Variants in CSN3 observed in about 807,000 individuals in gnomAD.
CSN3 encodes kappa-casein.
Under a neutral mutation model 9.9 loss-of-function variants are expected in CSN3, and 7 were observed. The ratio of observed to expected loss-of-function variants is 0.71; its 90% CI spans 0.40 to 1.33. The LOEUF (loss-of-function observed/expected upper bound fraction) is 1.33, where lower values mean the gene tolerates loss of function less well. Ranked by LOEUF, CSN3 falls within the 40% of genes most tolerant of loss-of-function variation. CSN3 has a pLI of 0.01. For missense variants in CSN3, 253 were observed against 227.9 expected (o/e 1.11, Z -0.71); for synonymous variants, 88 against 82.3 (o/e 1.07, Z -0.37).
At chr4:70,244,918 TTTTG>T (rs1172787204) in intron 2 of CSN3, 45 bp downstream of exon 2, 1 of 1,292,286 alleles carries the variant, frequency 7.7e-7, no homozygotes, top group African/African-American at 1.5e-5. Flanking sequence ...TTTAAGAAAA[TTTTG>T]TTTAAGGGCT....
upstream of CSN3, among the ~76,000 whole-genome samples, chr4:70,239,279 G>T (rs547344324): frequency 6.6e-6 from 1 of 151,834 alleles, no homozygotes; most frequent in South Asian, 2.1e-4. Context: ...GAATCACCAA[G>T]CCAAGAGCTG....
chr4:70,250,160 A>G (rs1730454966), intron 4 of CSN3, among the ~76,000 whole-genome samples: 1 of 152,214 alleles, frequency 6.6e-6, no homozygotes, highest in African/African-American at 2.4e-5. Flanking sequence ...ACCAATGGAT[A>G]ATGGCAGAAT....
At chr4:70,239,086 T>C (rs1730224716), upstream of CSN3, among the ~76,000 whole-genome samples, 1 of 151,658 alleles carries the variant, frequency 6.6e-6, no homozygotes, top group Non-Finnish European at 1.5e-5. Context: ...TAGAAAGATA[T>C]TAAAGATAGA....
chr4:70,245,174 T>C (rs1425222025), intron 2 of CSN3, among the ~76,000 whole-genome samples: 1 of 152,144 alleles, frequency 6.6e-6, no homozygotes, highest in Admixed American at 6.6e-5. Flanking sequence ...CTGAAAACAT[T>C]TTAAAATTGT....
At chr4:70,244,956 C>A (rs1314380519) in intron 2 of CSN3, 83 bp downstream of exon 2, 2 of 687,460 alleles carry the variant, frequency 2.9e-6, no homozygotes, top group Non-Finnish European at 4.7e-6. Context: ...CTTCTAAATA[C>A]AATTATGCTT....
At chr4:70,243,804 G>A (rs1730319026) in intron 1 of CSN3, among the ~76,000 whole-genome samples, 1 of 151,882 alleles carries the variant, frequency 6.6e-6, no homozygotes, top group African/African-American at 2.4e-5. Flanking sequence ...AGAAAAATAA[G>A]GCTAATGTAT....
chr4:70,240,987 T>G (rs189932595), upstream of CSN3, among the ~76,000 whole-genome samples: 2 of 152,058 alleles, frequency 1.3e-5, no homozygotes, highest in African/African-American at 2.4e-5. Context: ...TCAGATGTTC[T>G]TAAAATATAT....
upstream of CSN3, among the ~76,000 whole-genome samples, chr4:70,238,746 T>C (rs1730218732): frequency 5.3e-5 from 8 of 151,726 alleles, no homozygotes; most frequent in Admixed American, 5.3e-4. Context: ...ATTTGGGGTA[T>C]ATTGTTAAGA....
chr4:70,250,121 G>A (rs554440309), intron 4 of CSN3, among the ~76,000 whole-genome samples: 1 of 152,292 alleles, frequency 6.6e-6, no homozygotes, highest in South Asian at 2.1e-4. Flanking sequence ...AACACAATGT[G>A]ATGCAAAGTG....
intron 3 of CSN3, among the ~76,000 whole-genome samples, chr4:70,248,593 T>C (rs1339142381): frequency 2.0e-5 from 3 of 152,126 alleles, no homozygotes; most frequent in Non-Finnish European, 2.9e-5. Flanking sequence ...TACGTGTGTG[T>C]GCGCCATTCT....
chr4:70,248,835 T>A (rs893506254), intron 3 of CSN3, among the ~76,000 whole-genome samples, 163 bp from the exon 4 acceptor site: 1 of 151,954 alleles, frequency 6.6e-6, no homozygotes, highest in African/African-American at 2.4e-5. Flanking sequence ...GGAAAGGCAA[T>A]GTACAAATCA....
Position 70,244,800 on chromosome 4 carries a change from A to G in CSN3, c.-8-12A>G, listed in dbSNP as rs1345446004. 4 of 1,473,808 alleles carry G rather than the reference A, an allele frequency of 2.7e-6. No homozygotes were observed. In the African/African-American group the frequency reaches 5.7e-5, roughly 21 times the overall value. 91.3% of individuals were successfully genotyped at this position (1,473,808 alleles called of 1,614,324 possible). On this transcript the variant is annotated splice_polypyrimidine_tract_variant and intron_variant, in intron 1 of 4. Transcript: ENST00000304954. ...TTCTTTTAAATTAATTTTTTTTTAA[A>G]TTTATCTTTAGGTGCAATAATGAAG...
chr4:70,246,500 T>C (rs545157642), intron 2 of CSN3, among the ~76,000 whole-genome samples: 1 of 152,032 alleles, frequency 6.6e-6, no homozygotes, highest in Admixed American at 6.6e-5. Context: ...AATGTAACTA[T>C]GAAACCTATG....
intron 1 of CSN3, 63 bp from the exon 2 acceptor site, chr4:70,244,749 G>A: frequency 1.1e-6 from 1 of 900,584 alleles, no homozygotes; most frequent in Non-Finnish European, 1.6e-6. Context: ...TTGTATTCAA[G>A]TCACTCCTAA....
intron 1 of CSN3, 124 bp from the exon 2 acceptor site, chr4:70,244,688 A>G: frequency 2.3e-6 from 1 of 430,182 alleles, no homozygotes; most frequent in Non-Finnish European, 3.9e-6. Context: ...AATTTTTCAC[A>G]TCGGCTAAAT....
At chr4:70,248,956 G>C (rs762332807) in intron 3 of CSN3, 42 bp from the exon 4 acceptor site, 1 of 1,388,990 alleles carries the variant, frequency 7.2e-7, no homozygotes, top group Non-Finnish European at 9.7e-7. Context: ...CCACATTTGG[G>C]TCTATAATAA....
chr4:70,247,414 ATG>A (rs1730401040), intron 2 of CSN3, among the ~76,000 whole-genome samples: 1 of 152,190 alleles, frequency 6.6e-6, no homozygotes, highest in South Asian at 2.1e-4. Context: ...TCATCTTAGT[ATG>A]AGAGCAGAGA....
upstream of CSN3, among the ~76,000 whole-genome samples, chr4:70,238,826 A>G (rs1405168897): frequency 6.6e-6 from 1 of 151,796 alleles, no homozygotes; most frequent in Non-Finnish European, 1.5e-5. Context: ...GAGTCACCAG[A>G]TGGCCCCTGA....
intron 4 of CSN3, among the ~76,000 whole-genome samples, chr4:70,249,729 T>C (rs1472207928): frequency 6.6e-6 from 1 of 152,200 alleles, no homozygotes; most frequent in Non-Finnish European, 1.5e-5. Flanking sequence ...GCAACTTCAT[T>C]ATCAAACTTT....
Sources: allele counts gnomAD v4.1 joint callset (sites outside exome capture counted in the v4.1 genomes callset), GRCh38; gene constraint gnomAD v4.1.1; transcripts MANE v1.5; gene names NCBI Gene and HGNC (gene_info 2026-07-23, HGNC 2026-07-21).